The following DMD variants were observed in gnomAD, a reference collection of about 807,000 sequenced individuals.
DMD encodes the protein mutant dystrophin.
DMD carries 63 observed loss-of-function variants against 330.1 expected under a neutral mutation model. The ratio of observed to expected loss-of-function variants is 0.19; its 90% CI spans 0.16 to 0.24. The LOEUF is 0.24. DMD is among the 10% of genes least tolerant of loss of function. DMD has a pLI of 1.00. For synonymous variants in DMD, 1,223 were observed against 959.8 expected (o/e 1.27, Z -5.07); for missense variants, 3,344 against 2,684.1 (o/e 1.25, Z -5.43).
At chrX:33,010,553 A>C (rs1281554905) in intron 2 of DMD, among the ~76,000 whole-genome samples, 1 of 110,441 alleles carries the variant, frequency 9.1e-6, no homozygotes, top group East Asian at 2.9e-4. Flanking sequence ...AGTAAGTATA[A>C]TGCAAATATT....
At chrX:31,417,271 CTTTTTTCTTTTCT>C (rs2061917626) in intron 60 of DMD, among the ~76,000 whole-genome samples, 1 of 111,594 alleles carries the variant, frequency 9.0e-6, no homozygotes, top group Non-Finnish European at 1.9e-5. Context: ...CCTATAATTT[CTTTTTTCTTTTCT>C]TTTTTTCTTT....
chrX:31,839,219 T>C (rs2093265954), intron 48 of DMD, among the ~76,000 whole-genome samples: 1 of 111,913 alleles, frequency 8.9e-6, no homozygotes, highest in Non-Finnish European at 1.9e-5. Context: ...TCAAAACACA[T>C]CACAATTAAT....
At chrX:32,809,698 T>G (rs1444782968) in intron 6 of DMD, 87 bp from the exon 7 acceptor site, 18 of 792,652 alleles carry the variant, frequency 2.3e-5, no homozygotes, top group Non-Finnish European at 3.3e-5. Flanking sequence ...ATGCTTAATT[T>G]TCATTGACAA....
chrX:32,023,075 C>T (rs2095819377), intron 44 of DMD, among the ~76,000 whole-genome samples: 1 of 110,893 alleles, frequency 9.0e-6, no homozygotes, highest in Non-Finnish European at 1.9e-5. Context: ...TCATGATCCG[C>T]CCGCCTCGGC....
At chrX:33,271,739 C>A (rs1463675303) in intron 1 of DMD, among the ~76,000 whole-genome samples, 1 of 97,278 alleles carries the variant, frequency 1.0e-5, no homozygotes, top group Non-Finnish European at 2.0e-5. Flanking sequence ...ACACTCCAGC[C>A]TGGGCGACAA....
chrX:32,716,994 A>G (rs1048198566), intron 7 of DMD, among the ~76,000 whole-genome samples: 1 of 111,260 alleles, frequency 9.0e-6, no homozygotes, highest in East Asian at 2.8e-4. Flanking sequence ...ATGAGCAAAG[A>G]GATTATCTGA....
chrX:32,825,686 C>A (rs897910677), intron 4 of DMD, among the ~76,000 whole-genome samples: 6 of 111,642 alleles, frequency 5.4e-5, no homozygotes, highest in Non-Finnish European at 7.5e-5. Flanking sequence ...TATTTTCAGC[C>A]TTAAAAAGGA....
intron 17 of DMD, among the ~76,000 whole-genome samples, chrX:32,531,281 T>A (rs1312535464): frequency 9.0e-6 from 1 of 111,634 alleles, no homozygotes; most frequent in Non-Finnish European, 1.9e-5. Context: ...GTCCACAGTT[T>A]GGAGAGTCAT....
rs999986358 is a variant in DMD, at chrX:31,121,576, A to C, written c.*343T>G. 1.6e-4 allele frequency: 46 copies of C among 292,879 alleles called. No individual in the cohort carries two copies. In the East Asian group the frequency reaches 2.7e-3, roughly 17 times the overall value. 24.1% of individuals were successfully genotyped at this position (292,879 alleles called of 1,213,427 possible). A position where few individuals can be genotyped will look rare whatever the true frequency, so the allele number is the denominator to read the frequency against. ...AAACAACCCAAAATGCGTTCCATAT[A>C]AAGAAATGGCAAGTTATTTAGCTAT... is the stretch of plus-strand genomic sequence containing the variant. On this transcript the variant is annotated 3_prime_UTR_variant, in exon 79 of 79. Transcript: ENST00000357033.
At chrX:32,365,888 A>G (rs1175045091) in intron 34 of DMD, among the ~76,000 whole-genome samples, 1 of 111,841 alleles carries the variant, frequency 8.9e-6, no homozygotes, top group Admixed American at 9.5e-5. Flanking sequence ...ACACGTTATA[A>G]AAGTATCTGT....
At chrX:32,793,039 A>G (rs1235406278) in intron 7 of DMD, among the ~76,000 whole-genome samples, 1 of 112,228 alleles carries the variant, frequency 8.9e-6, no homozygotes, top group Admixed American at 9.4e-5. Context: ...TCTCCAGGAC[A>G]GACCATATGT....
chrX:32,515,622 A>G (rs1338717448), intron 18 of DMD, among the ~76,000 whole-genome samples: 2 of 112,032 alleles, frequency 1.8e-5, no homozygotes, highest in Non-Finnish European at 3.8e-5. Context: ...AGAATCTGTT[A>G]ATTCAGCTAA....
chrX:32,777,084 T>A (rs1272127031), intron 7 of DMD, among the ~76,000 whole-genome samples: 1 of 107,994 alleles, frequency 9.3e-6, no homozygotes, highest in African/African-American at 3.4e-5. Context: ...TTTACAGTAA[T>A]TAAGAGTATG....
At chrX:31,480,074 G>A (rs1377416384) in intron 57 of DMD, among the ~76,000 whole-genome samples, 1 of 112,194 alleles carries the variant, frequency 8.9e-6, no homozygotes, top group Admixed American at 9.5e-5. Context: ...AACAATAACA[G>A]TAATATTTGC....
intron 29 of DMD, among the ~76,000 whole-genome samples, chrX:32,416,403 T>C (rs767402449): frequency 8.9e-6 from 1 of 112,017 alleles, no homozygotes; most frequent in Non-Finnish European, 1.9e-5. Flanking sequence ...ATCATTGTAT[T>C]CATCATTGTG....
intron 44 of DMD, among the ~76,000 whole-genome samples, chrX:32,070,049 G>A (rs998815085): frequency 9.0e-6 from 1 of 111,336 alleles, no homozygotes; most frequent in Admixed American, 9.6e-5. Flanking sequence ...AGGCAGGGGA[G>A]GAAAGCAGGC....
At chrX:31,171,585 A>G (rs1407964378) in intron 73 of DMD, among the ~76,000 whole-genome samples, 1 of 111,218 alleles carries the variant, frequency 9.0e-6, no homozygotes, top group African/African-American at 3.3e-5. Context: ...TATTTGCTTC[A>G]ATGTCTGCTC....
At chrX:32,753,466 A>G (rs2071085626) in intron 7 of DMD, among the ~76,000 whole-genome samples, 1 of 111,463 alleles carries the variant, frequency 9.0e-6, no homozygotes, top group African/African-American at 3.3e-5. Context: ...TTTGTTTTTC[A>G]TACTCATAAA....
At chrX:31,621,471 C>T (rs2078526092) in intron 55 of DMD, among the ~76,000 whole-genome samples, 1 of 108,614 alleles carries the variant, frequency 9.2e-6, no homozygotes, top group Admixed American at 9.9e-5. Context: ...TAGAACTAGG[C>T]TATGACTTAA....
Sources: gnomAD v4.1 joint callset for allele counts (sites outside exome capture counted in the v4.1 genomes callset) on GRCh38, gnomAD v4.1.1 for gene constraint, MANE v1.5 for transcripts, NCBI Gene and HGNC (gene_info 2026-07-23, HGNC 2026-07-21) for gene names.